ARHGEF3: variants seen among roughly 807,000 people sequenced by gnomAD.
The protein encoded by ARHGEF3 is Rho guanine nucleotide exchange factor 3.
A neutral mutation model predicts 63.2 loss-of-function variants in ARHGEF3; 28 were observed. That is an observed-to-expected ratio of 0.44 (90% CI 0.33 to 0.61). The LOEUF is 0.61. Among genes scored for constraint, ARHGEF3 ranks in the 20% least tolerant of loss-of-function variants. The pLI is 0.03. For missense variants in ARHGEF3, 533 were observed against 659.3 expected (o/e 0.81, Z 2.10); for synonymous variants, 266 against 254.2 (o/e 1.05, Z -0.44).
At chr3:56,803,370 C>A (rs2037744458), upstream of ARHGEF3, among the ~76,000 whole-genome samples, 1 of 151,278 alleles carries the variant, frequency 6.6e-6, no homozygotes, top group Non-Finnish European at 1.5e-5. Context: ...GCCTGGGAGG[C>A]AGAAGTTGCA....
At chr3:57,007,214 G>A (rs1702501956) in intron 2 of ARHGEF3, 7 of 1,288,938 alleles carry the variant, frequency 5.4e-6, no homozygotes, top group Non-Finnish European at 7.1e-6. Context: ...AATCTTAGGA[G>A]TCGAAGGTGG....
chr3:56,892,334 C>T (rs535105720), intron 3 of ARHGEF3, among the ~76,000 whole-genome samples: 40 of 152,176 alleles, frequency 2.6e-4, no homozygotes, highest in African/African-American at 9.6e-4. Context: ...GTGGATGTGA[C>T]GCAAAGCACA....
chr3:56,763,081 G>C (rs569410517), intron 2 of ARHGEF3, among the ~76,000 whole-genome samples: 1 of 152,270 alleles, frequency 6.6e-6, no homozygotes, highest in South Asian at 2.1e-4. Context: ...GAAGAACATA[G>C]GCTTTGGAGT....
At chr3:56,977,456 C>T in intron 2 of ARHGEF3, 1 of 378,646 alleles carries the variant, frequency 2.6e-6, no homozygotes, top group Non-Finnish European at 5.2e-6. Context: ...CAAAGATGCT[C>T]TTCCCACTCA....
At chr3:56,835,427 C>G (rs2039076530) in intron 4 of ARHGEF3, among the ~76,000 whole-genome samples, 1 of 152,086 alleles carries the variant, frequency 6.6e-6, no homozygotes, top group Non-Finnish European at 1.5e-5. Flanking sequence ...CCACCCGCCT[C>G]GGCCTCCCAA....
At chr3:56,911,130 C>A (rs2041842674) in intron 3 of ARHGEF3, among the ~76,000 whole-genome samples, 1 of 152,168 alleles carries the variant, frequency 6.6e-6, no homozygotes, top group Admixed American at 6.5e-5. Flanking sequence ...TTCCTGACTC[C>A]TAGCCCAGTG....
chr3:56,929,133 T>C (rs947758207), intron 3 of ARHGEF3, among the ~76,000 whole-genome samples: 6 of 152,180 alleles, frequency 3.9e-5, no homozygotes, highest in African/African-American at 1.4e-4. Flanking sequence ...TTGGGTCCTC[T>C]GGATTGGGGA....
chr3:56,943,975 G>A (rs954137537), intron 3 of ARHGEF3, among the ~76,000 whole-genome samples: 4 of 150,692 alleles, frequency 2.7e-5, no homozygotes, highest in Non-Finnish European at 4.4e-5. Context: ...TCAGACGTTC[G>A]AGACCAGCCT....
intron 3 of ARHGEF3, among the ~76,000 whole-genome samples, chr3:56,903,301 C>A (rs186017873): frequency 1.3e-5 from 2 of 152,150 alleles, no homozygotes; most frequent in African/African-American, 4.8e-5. Flanking sequence ...GGCTCTCATA[C>A]AAGGCTAGAG....
intron 1 of ARHGEF3, among the ~76,000 whole-genome samples, chr3:56,797,242 T>C (rs559533364): frequency 6.6e-6 from 1 of 152,204 alleles, no homozygotes; most frequent in African/African-American, 2.4e-5. Flanking sequence ...CTTATTCTAG[T>C]CAATGCCCTT....
chr3:56,999,980 A>G (rs1702125182), intron 2 of ARHGEF3, among the ~76,000 whole-genome samples: 1 of 152,128 alleles, frequency 6.6e-6, no homozygotes, highest in African/African-American at 2.4e-5. Context: ...TGACTCTATC[A>G]TATACTAGCT....
intron 6 of ARHGEF3, among the ~76,000 whole-genome samples, chr3:56,747,064 C>CAGAGAGAGAGAGAGAGAGAGAGAG (rs5849167): frequency 2.0e-5 from 3 of 148,164 alleles, no homozygotes; most frequent in African/African-American, 5.0e-5. Flanking sequence ...CACACACACA[C>CAGAGAGAGAGAGAGAGAGAGAGAG]AGAGAGAGAG....
intron 3 of ARHGEF3, among the ~76,000 whole-genome samples, chr3:56,902,203 T>C (rs1027613879): frequency 6.6e-6 from 1 of 152,216 alleles, no homozygotes; most frequent in African/African-American, 2.4e-5. Flanking sequence ...ATTTTGCTGC[T>C]CTGCATGTGT....
intron 2 of ARHGEF3, among the ~76,000 whole-genome samples, chr3:57,014,515 A>G (rs1043706185): frequency 6.6e-6 from 1 of 152,088 alleles, no homozygotes; most frequent in Non-Finnish European, 1.5e-5. Flanking sequence ...CAATGCAAGA[A>G]GGAAATTTCT....
At chr3:56,935,568 C>T (rs548227961) in intron 3 of ARHGEF3, among the ~76,000 whole-genome samples, 10 of 152,174 alleles carry the variant, frequency 6.6e-5, no homozygotes, top group South Asian at 2.1e-4. Flanking sequence ...CTGAGCCCAG[C>T]GAGACTACAA....
intron 2 of ARHGEF3, among the ~76,000 whole-genome samples, chr3:57,022,202 A>G (rs546087249): frequency 1.3e-5 from 2 of 152,150 alleles, no homozygotes; most frequent in Admixed American, 1.3e-4. Flanking sequence ...TGAGCTCAGG[A>G]GTTTGAGGCT....
intron 2 of ARHGEF3, among the ~76,000 whole-genome samples, chr3:57,024,800 T>C (rs1420524736): frequency 1.3e-5 from 2 of 152,248 alleles, no homozygotes; most frequent in Non-Finnish European, 1.5e-5. Context: ...AGCAGTTTTT[T>C]ATTACAAATG....
intron 3 of ARHGEF3, among the ~76,000 whole-genome samples, chr3:56,902,415 C>A (rs1448081709): frequency 6.6e-6 from 1 of 152,084 alleles, no homozygotes; most frequent in Non-Finnish European, 1.5e-5. Flanking sequence ...GTGTTTCATT[C>A]AAAAGAGCTT....
At chr3:56,781,528 G>A (rs2036568032) in intron 1 of ARHGEF3, among the ~76,000 whole-genome samples, 1 of 152,094 alleles carries the variant, frequency 6.6e-6, no homozygotes, top group South Asian at 2.1e-4. Context: ...TTACAGGTGT[G>A]AGCCACCACA....
Sources: allele counts gnomAD v4.1 joint callset (sites outside exome capture counted in the v4.1 genomes callset), GRCh38; gene constraint gnomAD v4.1.1; transcripts MANE v1.5; gene names NCBI Gene and HGNC (gene_info 2026-07-23, HGNC 2026-07-21).